The following NOS1AP variants were observed in gnomAD, a reference collection of about 807,000 sequenced individuals.
NOS1AP encodes the protein carboxyl-terminal PDZ ligand of neuronal nitric oxide synthase protein.
In NOS1AP, 21 loss-of-function variants were observed where a neutral mutation model predicts 56.2. That is an observed-to-expected ratio of 0.37 (90% confidence interval 0.26 to 0.54). NOS1AP has a LOEUF of 0.54. NOS1AP is among the 20% of genes least tolerant of loss of function. The pLI is 0.84. For synonymous variants in NOS1AP, 270 were observed against 274.6 expected, an observed-to-expected ratio of 0.98 and a Z score of 0.17; for missense variants, 522 against 657.8, an observed-to-expected ratio of 0.79 and a Z score of 2.26.
intron 1 of NOS1AP, among the ~76,000 whole-genome samples, chr1:162,148,519 G>A (rs1649577034): frequency 1.3e-5 from 2 of 152,336 alleles, no homozygotes; most frequent in South Asian, 4.1e-4. Context: ...AGTATTCTGT[G>A]CACAGGGAGG....
intron 1 of NOS1AP, among the ~76,000 whole-genome samples, chr1:162,143,810 T>C (rs916154622): frequency 9.9e-5 from 15 of 152,164 alleles, no homozygotes; most frequent in Admixed American, 6.5e-5. Context: ...GTAGTACAGA[T>C]ACTAGGTACA....
At chr1:162,349,641 C>G (rs1657426897) in intron 6 of NOS1AP, among the ~76,000 whole-genome samples, 1 of 152,206 alleles carries the variant, frequency 6.6e-6, no homozygotes, top group South Asian at 2.1e-4. Context: ...AATATGCTCT[C>G]CGTAAGTACC....
intron 2 of NOS1AP, among the ~76,000 whole-genome samples, chr1:162,255,925 C>T (rs1654014009): frequency 6.6e-6 from 1 of 152,074 alleles, no homozygotes; most frequent in Non-Finnish European, 1.5e-5. Context: ...CAGCAGATCA[C>T]CTGGGGTCAG....
At chr1:162,111,930 C>T (rs76125745) in intron 1 of NOS1AP, among the ~76,000 whole-genome samples, 2 of 152,164 alleles carry the variant, frequency 1.3e-5, no homozygotes, top group African/African-American at 4.8e-5. Context: ...GGTGGCAGTC[C>T]ATGGCAGTGG....
intron 2 of NOS1AP, among the ~76,000 whole-genome samples, chr1:162,252,041 T>C (rs1557849691): frequency 6.6e-6 from 1 of 151,822 alleles, no homozygotes. Context: ...AAATTCTTTT[T>C]TCTTTTTGTT....
At chr1:162,133,893 G>A (rs115149628) in intron 1 of NOS1AP, among the ~76,000 whole-genome samples, 3,036 of 152,214 alleles carry the variant, frequency 0.02, 107 homozygotes, top group African/African-American at 0.069. Context: ...GGCATTCAAC[G>A]AATGCCAAGA....
At chr1:162,168,957 A>G (rs1006837240) in intron 2 of NOS1AP, among the ~76,000 whole-genome samples, 2 of 152,244 alleles carry the variant, frequency 1.3e-5, no homozygotes, top group Non-Finnish European at 2.9e-5. Context: ...TCTGCCTGGC[A>G]TGAGGAGACA....
intron 2 of NOS1AP, among the ~76,000 whole-genome samples, chr1:162,259,695 G>A (rs184070447): frequency 6.6e-6 from 1 of 152,160 alleles, no homozygotes; most frequent in Non-Finnish European, 1.5e-5. Context: ...CAGTAAAAGA[G>A]TATGAAATGT....
intron 5 of NOS1AP, among the ~76,000 whole-genome samples, chr1:162,336,346 G>A (rs1261391677): frequency 6.6e-6 from 1 of 152,168 alleles, no homozygotes; most frequent in East Asian, 1.9e-4. Flanking sequence ...TGAACCCAGA[G>A]GGTCTGACTG....
chr1:162,119,026 G>T (rs1648091174), intron 1 of NOS1AP, among the ~76,000 whole-genome samples: 1 of 152,168 alleles, frequency 6.6e-6, no homozygotes, highest in Admixed American at 6.6e-5. Context: ...TGATGATAAG[G>T]CAAATCATGT....
intron 2 of NOS1AP, among the ~76,000 whole-genome samples, chr1:162,282,775 T>C (rs1654970908): frequency 6.6e-6 from 1 of 152,218 alleles, no homozygotes; most frequent in Non-Finnish European, 1.5e-5. Flanking sequence ...AAGCTCCTTC[T>C]AGATAGGTAG....
intron 2 of NOS1AP, among the ~76,000 whole-genome samples, chr1:162,229,442 T>C (rs1469288395): frequency 6.6e-6 from 1 of 152,204 alleles, no homozygotes; most frequent in Admixed American, 6.5e-5. Flanking sequence ...GTCTGCCTCT[T>C]TTATTTTTAA....
chr1:162,245,577 C>T (rs112211373), intron 2 of NOS1AP, among the ~76,000 whole-genome samples: 9 of 152,328 alleles, frequency 5.9e-5, no homozygotes, highest in East Asian at 3.9e-4. Flanking sequence ...CAAATGCAAG[C>T]GCTTGTACAT....
At chr1:162,095,750 C>T (rs988282716) in intron 1 of NOS1AP, among the ~76,000 whole-genome samples, 4 of 152,314 alleles carry the variant, frequency 2.6e-5, no homozygotes, top group African/African-American at 7.2e-5. Flanking sequence ...GCCTTGATAC[C>T]AACTGGCTGT....
chr1:162,189,592 G>A (rs1651553498), intron 2 of NOS1AP, among the ~76,000 whole-genome samples: 1 of 152,292 alleles, frequency 6.6e-6, no homozygotes, highest in South Asian at 2.1e-4. Context: ...AATAAGATAG[G>A]CGAGATCTCT....
chr1:162,325,716 C>T (rs148921639), intron 4 of NOS1AP, among the ~76,000 whole-genome samples: 236 of 152,202 alleles, frequency 1.6e-3, no homozygotes, highest in African/African-American at 5.4e-3. Flanking sequence ...TTCTTACTTT[C>T]CCAGAGGTTT....
At chr1:162,077,544 T>C (rs1691794859) in intron 1 of NOS1AP, among the ~76,000 whole-genome samples, 1 of 152,218 alleles carries the variant, frequency 6.6e-6, no homozygotes. Flanking sequence ...TTCTGTGGTC[T>C]TTTCACTTTC....
chr1:162,154,505 G>A (rs1420959357), intron 2 of NOS1AP, 29 bp downstream of exon 2: 3 of 1,611,440 alleles, frequency 1.9e-6, no homozygotes, highest in East Asian at 2.2e-5. Flanking sequence ...ACTGTGTGGA[G>A]CGGGGAGTCA....
intron 1 of NOS1AP, among the ~76,000 whole-genome samples, chr1:162,121,427 G>C (rs1255959431): frequency 6.6e-6 from 1 of 152,028 alleles, no homozygotes; most frequent in East Asian, 1.9e-4. Flanking sequence ...CCTTGGAGAG[G>C]ATGTTTAATT....
Sources: gnomAD v4.1 joint callset for allele counts (sites outside exome capture counted in the v4.1 genomes callset) on GRCh38, gnomAD v4.1.1 for gene constraint, MANE v1.5 for transcripts, NCBI Gene and HGNC (gene_info 2026-07-23, HGNC 2026-07-21) for gene names.